The following EFHB variants were observed in gnomAD, a reference collection of about 807,000 sequenced individuals.
EFHB encodes the protein EF-hand domain family member B, also known as EF-hand domain-containing family member B.
A neutral mutation model predicts 87.2 loss-of-function variants in EFHB; 91 were observed. The observed-to-expected ratio is 1.04, with a 90% CI of 0.88 to 1.24. EFHB has a LOEUF of 1.24. Among genes scored for constraint, EFHB ranks in the 50% most tolerant of loss-of-function variants. The probability of loss-of-function intolerance (pLI) is 0.00; values close to 1 mark genes in which losing one functional copy is unlikely to be tolerated. For synonymous variants in EFHB, 325 were observed against 333.6 expected (o/e 0.97, Z 0.28); for missense variants, 1,084 against 998.8 (o/e 1.09, Z -1.15).
rs1694485266 is a variant in EFHB at position 19,896,487 on chromosome 3, G to C, written c.1725+200C>G. The C allele has an allele frequency of 5.5e-6, 4 of 724,676 alleles. No homozygotes were observed. In the Admixed American group the frequency reaches 8.2e-5, roughly 15 times the overall value. The allele number at this position is 724,676 out of a possible 1,614,324, so 44.9% of individuals were successfully genotyped here. On this transcript the variant is annotated intron_variant, in intron 9 of 12. Transcript: ENST00000295824. ...GTTTTTGTTGCTACTACCTAACTCT[G>C]TATTCATACTGCAAAAGCAGCCACA...
At chr3:19,927,357 AT>A (rs1429039054) in intron 1 of EFHB, among the ~76,000 whole-genome samples, 1 of 152,138 alleles carries the variant, frequency 6.6e-6, no homozygotes, top group African/African-American at 2.4e-5. Context: ...TTTCACAAGA[AT>A]CTTTTTGATT....
chr3:19,887,631 T>G (rs1238842024), intron 10 of EFHB, among the ~76,000 whole-genome samples: 7 of 152,112 alleles, frequency 4.6e-5, no homozygotes, highest in Non-Finnish European at 8.8e-5. Context: ...ACACTAACAC[T>G]AAGGACAGCT....
intron 1 of EFHB, among the ~76,000 whole-genome samples, chr3:19,932,054 G>A (rs948826953): frequency 2.0e-5 from 3 of 152,126 alleles, no homozygotes; most frequent in Admixed American, 1.3e-4. Context: ...AACCCAAAGA[G>A]ATCATTATCA....
Position 19,934,200 on chromosome 3 carries a change from G to A in EFHB, c.-182C>T. ...CTCTTAACACCTAGCCGAGTTCACA[G>A]AGGAAAAGATGGAGTCTGTTTATCA... On this transcript the variant is annotated 5_prime_UTR_variant, in exon 1 of 13. Coordinates refer to ENST00000295824, the MANE Select transcript of EFHB (RefSeq NM_144715.4). 3.5e-6 allele frequency: 5 copies of A among 1,438,614 alleles called. No individual in the cohort carries two copies. The highest frequency in any genetic ancestry group is 4.5e-6 in the Non-Finnish European group (5 of 1,104,128). The allele number at this position is 1,438,614 out of a possible 1,614,324, so 89.1% of individuals were successfully genotyped here.
intron 3 of EFHB, 65 bp downstream of exon 3, chr3:19,919,768 C>A: frequency 6.7e-7 from 1 of 1,493,652 alleles, no homozygotes; most frequent in Non-Finnish European, 9.2e-7. Context: ...TTCACTAATA[C>A]CTGATTTGTG....
chr3:19,921,877 G>A (rs942945430), intron 1 of EFHB, among the ~76,000 whole-genome samples: 10 of 151,850 alleles, frequency 6.6e-5, no homozygotes, highest in African/African-American at 2.2e-4. Context: ...TTAAAAATAC[G>A]AAGGCTGCCA....
At chr3:19,882,785 A>T in intron 11 of EFHB, 54 bp from the exon 12 acceptor site, 1 of 1,509,142 alleles carries the variant, frequency 6.6e-7, no homozygotes, top group Non-Finnish European at 9.0e-7. Context: ...GCTGTGTAAC[A>T]CAGTAGCCAC....
intron 1 of EFHB, among the ~76,000 whole-genome samples, chr3:19,921,138 GAGAA>G (rs768550352): frequency 9.9e-5 from 15 of 152,166 alleles, no homozygotes; most frequent in Non-Finnish European, 1.6e-4. Flanking sequence ...GAGAGCGACA[GAGAA>G]AGAAAGAGAA....
At chr3:19,888,418 T>G (rs1395388823) in intron 10 of EFHB, 26 bp downstream of exon 10, 3 of 1,232,274 alleles carry the variant, frequency 2.4e-6, no homozygotes, top group Non-Finnish European at 3.2e-6. Flanking sequence ...AAATAATAAT[T>G]CATCAAACCT....
At chr3:19,900,303 A>G (rs1416422243) in intron 6 of EFHB, among the ~76,000 whole-genome samples, 1 of 152,192 alleles carries the variant, frequency 6.6e-6, no homozygotes, top group African/African-American at 2.4e-5. Flanking sequence ...TAAATAGCCA[A>G]AGGATATAAA....
At chr3:19,886,638 T>C (rs116662087) in intron 10 of EFHB, among the ~76,000 whole-genome samples, 1,257 of 117,594 alleles carry the variant, frequency 0.011, 22 homozygotes, top group African/African-American at 0.039. Context: ...ATTGCACCAC[T>C]GCACTCCAGC....
intron 4 of EFHB, among the ~76,000 whole-genome samples, chr3:19,916,926 TTAA>T (rs1423281104): frequency 6.6e-6 from 1 of 152,244 alleles, no homozygotes; most frequent in Non-Finnish European, 1.5e-5. Context: ...AACATTACAC[TTAA>T]TAATACAGAT....
chr3:19,930,052 C>T (rs1695777118), intron 1 of EFHB, among the ~76,000 whole-genome samples: 1 of 152,064 alleles, frequency 6.6e-6, no homozygotes, highest in Non-Finnish European at 1.5e-5. Context: ...GCAATAAGGG[C>T]AAACGAATTA....
chr3:19,879,790 C>T lies in EFHB; in HGVS notation c.2343G>A (p.Leu781=). ...TRSKEEIAEI[L]CNIGVKLSDE... ...CAGACAGTTTGACACCAATGTTACA[C>T]AATATCTCTGCAATCTAGAAAAAGG... The change falls in exon 13 of 13, where the codon TTG becomes TTA. Residue 781 remains leucine (L), a synonymous_variant. Transcript: ENST00000295824. 1.9e-6 allele frequency: 3 copies of T among 1,595,346 alleles called. No homozygotes were observed. Among genetic ancestry groups the T allele is most frequent in the South Asian group, 2.3e-5 (2 of 87,178 alleles).
At chr3:19,907,816 G>A (rs1694889440) in intron 5 of EFHB, among the ~76,000 whole-genome samples, 1 of 152,144 alleles carries the variant, frequency 6.6e-6, no homozygotes, top group South Asian at 2.1e-4. Flanking sequence ...CTCAAATAAT[G>A]TAAATAAAAA....
intron 1 of EFHB, among the ~76,000 whole-genome samples, chr3:19,924,383 T>C (rs1187678481): frequency 1.3e-5 from 2 of 151,876 alleles, no homozygotes; most frequent in Non-Finnish European, 1.5e-5. Context: ...CCGGCTAATT[T>C]TTGTATTTTC....
At chr3:19,939,595 A>G (rs1696109125) in intron 1 of EFHB, among the ~76,000 whole-genome samples, 2 of 151,858 alleles carry the variant, frequency 1.3e-5, no homozygotes, top group Non-Finnish European at 2.9e-5. Flanking sequence ...CGTGTTAGCC[A>G]GGATGGTCTC....
Position 19,933,829 on chromosome 3 carries a change from A to C in EFHB, c.190T>G (p.Phe64Val), listed in dbSNP as rs1695925310. ...ATTTCAAGCCCCTTGCTCAATGGAA[A>C]TTTTGTTTCTGGTGGTGCCATCCTT... ...EGRMAPPETK[F>V]PLSKGLEMGL... The change falls in exon 1 of 13, where the codon TTT becomes GTT. Residue 64 changes from phenylalanine (F) to valine (V), a missense_variant. Phe to Val is a conservative substitution (Grantham distance 50, BLOSUM62 -1). Coordinates refer to ENST00000295824, the MANE Select transcript of EFHB (RefSeq NM_144715.4). The C allele has an allele frequency of 6.2e-7, 1 of 1,613,710 alleles. No individual in the cohort carries two copies. Among genetic ancestry groups the C allele is most frequent in the Non-Finnish European group, 8.5e-7 (1 of 1,179,858 alleles).
At chr3:19,887,507 G>T (rs571020098) in intron 10 of EFHB, among the ~76,000 whole-genome samples, 2 of 151,718 alleles carry the variant, frequency 1.3e-5, no homozygotes, top group Non-Finnish European at 2.9e-5. Context: ...ATGTATATAT[G>T]TATATCTATA....
Sources: allele counts gnomAD v4.1 joint callset (sites outside exome capture counted in the v4.1 genomes callset), GRCh38; gene constraint gnomAD v4.1.1; transcripts MANE v1.5; gene names NCBI Gene and HGNC (gene_info 2026-07-23, HGNC 2026-07-21).